Variants in ARID4B observed in about 807,000 individuals in gnomAD.
ARID4B encodes the protein AT-rich interactive domain-containing protein 4B.
Under a neutral mutation model 147.5 loss-of-function variants are expected in ARID4B, and 26 were observed. The ratio of observed to expected loss-of-function variants is 0.18; its 90% confidence interval spans 0.13 to 0.24. The LOEUF is 0.24. Ranked by LOEUF, ARID4B falls within the 10% of genes least tolerant of loss-of-function variation. ARID4B has a pLI of 1.00. For missense variants in ARID4B, 1,179 were observed against 1,511.5 expected (o/e 0.78, Z 3.65); for synonymous variants, 512 against 507.9 (o/e 1.01, Z -0.11).
At chr1:235,224,893 G>A (rs1197283145) in intron 11 of ARID4B, 118 bp from the exon 12 acceptor site, 27 of 671,246 alleles carry the variant, frequency 4.0e-5, no homozygotes, top group African/African-American at 5.5e-5. Flanking sequence ...GGCTTTTTAC[G>A]TAATCAAAGT....
At position 235,274,219 on chromosome 1, in the gene ARID4B, C is replaced by CA. The variant is rs997137007; in HGVS notation, c.7-13468dup. 1.8e-3 allele frequency among the ~76,000 whole-genome samples: 259 copies of CA among 142,414 alleles called. 1 individual carries two copies. The highest frequency in any genetic ancestry group is 0.011 in the East Asian group (55 of 4,962). 93.4% of individuals were successfully genotyped at this position (142,414 alleles called of 152,430 possible). On this transcript the variant is annotated intron_variant, in intron 2 of 23. Coordinates refer to ENST00000264183, the MANE Select transcript of ARID4B (RefSeq NM_016374.6). ...GAAATACAAAAAAGCTACTAAAATA[C>CA]AAAAAAAAAAAATTAGCTGGGCGTG...
chr1:235,275,973 C>T (rs1671289115), intron 2 of ARID4B, among the ~76,000 whole-genome samples: 2 of 152,034 alleles, frequency 1.3e-5, no homozygotes, highest in South Asian at 4.1e-4. Flanking sequence ...CTCATCTCTA[C>T]AAAATATCAA....
At chr1:235,178,013 C>T (rs963459069) in intron 20 of ARID4B, 100 bp from the exon 21 acceptor site, 32 of 598,400 alleles carry the variant, frequency 5.3e-5, no homozygotes, top group Non-Finnish European at 8.3e-5. Context: ...TCCAAAACTA[C>T]ATGTTCTTTA....
At chr1:235,238,739 T>C (rs1668784161) in intron 8 of ARID4B, among the ~76,000 whole-genome samples, 2 of 151,830 alleles carry the variant, frequency 1.3e-5, no homozygotes, top group Non-Finnish European at 2.9e-5. Context: ...ACCTGTAGTG[T>C]GAGCTACTCA....
chr1:235,222,294 G>T (rs1382232887), intron 13 of ARID4B, among the ~76,000 whole-genome samples: 2 of 152,094 alleles, frequency 1.3e-5, no homozygotes, highest in African/African-American at 4.8e-5. Flanking sequence ...CAAAGAAATG[G>T]AGACAAACAT....
intron 18 of ARID4B, among the ~76,000 whole-genome samples, chr1:235,195,679 C>A (rs1364064394): frequency 6.6e-6 from 1 of 152,124 alleles, no homozygotes; most frequent in Non-Finnish European, 1.5e-5. Flanking sequence ...TGCCAGATAG[C>A]CTTTTCTTCC....
intron 11 of ARID4B, among the ~76,000 whole-genome samples, chr1:235,225,627 C>T (rs1259988095): frequency 6.6e-6 from 1 of 152,190 alleles, no homozygotes; most frequent in East Asian, 1.9e-4. Flanking sequence ...TTAGGAGTAA[C>T]TGCAGAGAAA....
intron 2 of ARID4B, among the ~76,000 whole-genome samples, chr1:235,297,081 G>A (rs1043051406): frequency 1.3e-5 from 2 of 152,040 alleles, no homozygotes; most frequent in African/African-American, 4.8e-5. Context: ...TCCAGATGCG[G>A]AGCAGGAAAT....
intron 2 of ARID4B, among the ~76,000 whole-genome samples, chr1:235,275,018 T>C (rs141374205): frequency 2.4e-3 from 352 of 145,334 alleles, no homozygotes; most frequent in African/African-American, 8.3e-3. Context: ...TGTGTGTGTG[T>C]GTGTGCACGC....
At chr1:235,277,597 TGTG>T (rs1671414864) in intron 2 of ARID4B, among the ~76,000 whole-genome samples, 1 of 848 alleles carries the variant, frequency 1.2e-3, no homozygotes, top group Non-Finnish European at 0.013. Flanking sequence ...CCTTATATTG[TGTG>T]TGTGTGTGTG....
intron 17 of ARID4B, among the ~76,000 whole-genome samples, chr1:235,197,131 A>T (rs1665562110): frequency 1.3e-5 from 2 of 152,180 alleles, no homozygotes. Context: ...AGCAAAAAAA[A>T]AAGAATGACA....
intron 2 of ARID4B, among the ~76,000 whole-genome samples, chr1:235,285,892 T>C (rs962189459): frequency 6.6e-6 from 1 of 152,220 alleles, no homozygotes; most frequent in African/African-American, 2.4e-5. Flanking sequence ...CTGAGAGTTC[T>C]AACTAGTAAA....
intron 2 of ARID4B, among the ~76,000 whole-genome samples, chr1:235,277,594 TTG>T (rs71576468): frequency 0.11 from 13,715 of 129,296 alleles, 777 homozygotes; most frequent in African/African-American, 0.11. Context: ...ATGCCTTATA[TTG>T]TGTGTGTGTG....
intron 7 of ARID4B, among the ~76,000 whole-genome samples, chr1:235,243,803 C>T (rs1230834042): frequency 2.0e-5 from 3 of 152,076 alleles, no homozygotes; most frequent in Non-Finnish European, 2.9e-5. Flanking sequence ...AGACTGACAA[C>T]GTATACATAC....
intron 7 of ARID4B, among the ~76,000 whole-genome samples, chr1:235,242,413 G>A (rs954345971): frequency 1.3e-5 from 2 of 152,162 alleles, no homozygotes; most frequent in African/African-American, 4.8e-5. Context: ...GTCCTCACAA[G>A]TCTGATTTCT....
At chr1:235,223,700 T>TTTTTTTTTTTTA (rs397962251) in intron 12 of ARID4B, among the ~76,000 whole-genome samples, 1 of 148,978 alleles carries the variant, frequency 6.7e-6, no homozygotes. Flanking sequence ...TTTTTTTTTT[T>TTTTTTTTTTTTA]CATTCTAACA....
At chr1:235,214,057 T>C in intron 16 of ARID4B, 31 bp from the exon 17 acceptor site, 1 of 1,578,180 alleles carries the variant, frequency 6.3e-7, no homozygotes, top group Non-Finnish European at 8.6e-7. Flanking sequence ...GCAGAGTTAA[T>C]AAAAGACACT....
At chr1:235,300,849 A>G (rs1254259240) in intron 2 of ARID4B, among the ~76,000 whole-genome samples, 1 of 151,900 alleles carries the variant, frequency 6.6e-6, no homozygotes, top group Non-Finnish European at 1.5e-5. Flanking sequence ...AGCTGGGACT[A>G]CAGGTGCATG....
At chr1:235,305,335 C>G (rs1469668565) in intron 2 of ARID4B, among the ~76,000 whole-genome samples, 3 of 152,094 alleles carry the variant, frequency 2.0e-5, no homozygotes, top group African/African-American at 7.2e-5. Context: ...CTCTGACTTC[C>G]GGATTTGTTC....
Sources: allele counts gnomAD v4.1 joint callset (sites outside exome capture counted in the v4.1 genomes callset), GRCh38; gene constraint gnomAD v4.1.1; transcripts MANE v1.5; gene names NCBI Gene and HGNC (gene_info 2026-07-23, HGNC 2026-07-21).